ATP8A1: variants seen among roughly 807,000 people sequenced by gnomAD.
ATP8A1 encodes ATPase phospholipid transporting 8A1.
Under a neutral mutation model 177.7 loss-of-function variants are expected in ATP8A1, and 90 were observed. That is an observed-to-expected ratio of 0.51 (90% CI 0.43 to 0.60). The LOEUF is 0.60. Among genes scored for constraint, ATP8A1 ranks in the 20% least tolerant of loss-of-function variants. The probability of loss-of-function intolerance (pLI) is 0.00; values close to 1 mark genes in which losing one functional copy is unlikely to be tolerated. For missense variants in ATP8A1, 1,072 were observed against 1,392.8 expected, an observed-to-expected ratio of 0.77 and a Z score of 3.67; for synonymous variants, 493 against 485.9, an observed-to-expected ratio of 1.01 and a Z score of -0.19.
intron 1 of ATP8A1, among the ~76,000 whole-genome samples, chr4:42,647,524 C>A (rs555220802): frequency 6.6e-6 from 1 of 151,104 alleles, no homozygotes; most frequent in Non-Finnish European, 1.5e-5. Flanking sequence ...GGGCCAAAGA[C>A]AATTTATATT....
intron 1 of ATP8A1, among the ~76,000 whole-genome samples, chr4:42,630,902 G>A (rs1310414357): frequency 6.6e-6 from 1 of 152,186 alleles, no homozygotes; most frequent in Non-Finnish European, 1.5e-5. Context: ...GAAGTATTCT[G>A]TGTTCATGTC....
intron 12 of ATP8A1, among the ~76,000 whole-genome samples, chr4:42,577,049 T>C (rs1343437001): frequency 6.6e-6 from 1 of 152,190 alleles, no homozygotes; most frequent in East Asian, 1.9e-4. Context: ...GGCTGGAAAG[T>C]CAGTGTTCTA....
chr4:42,637,243 C>A (rs754646810), intron 1 of ATP8A1: 5 of 517,632 alleles, frequency 9.7e-6, no homozygotes, highest in African/African-American at 1.9e-5. Flanking sequence ...GAACCTTCCC[C>A]AACAGGCCCT....
In ATP8A1 at chr4:42,600,523, A is replaced by C. The variant is rs1208903692; in HGVS notation, c.410-5T>G. 1.9e-6 allele frequency: 3 copies of C among 1,608,892 alleles called. No homozygotes were observed. The highest frequency in any genetic ancestry group is 2.5e-6 in the Non-Finnish European group (3 of 1,178,312). On this transcript the variant is annotated splice_region_variant and splice_polypyrimidine_tract_variant and intron_variant, in intron 5 of 36. Transcript: ENST00000381668. Reference sequence around the variant, plus strand: ...CCCAAGCACCATTTCTCAAAACTGGAAAGAGAAAAGGTGACATTTTAAACA... The same window carrying C: ...CCCAAGCACCATTTCTCAAAACTGGCAAGAGAAAAGGTGACATTTTAAACA...
chr4:42,624,080 C>G (rs913907559), intron 4 of ATP8A1, among the ~76,000 whole-genome samples: 3 of 151,780 alleles, frequency 2.0e-5, no homozygotes, highest in Non-Finnish European at 4.4e-5. Flanking sequence ...GTTACTATTA[C>G]TTTCTTTTAA....
chr4:42,470,286 TTTC>T (rs1720256179), intron 25 of ATP8A1, among the ~76,000 whole-genome samples: 1 of 152,248 alleles, frequency 6.6e-6, no homozygotes, highest in African/African-American at 2.4e-5. Flanking sequence ...ATTCATTATT[TTTC>T]TTATTTTCTA....
At chr4:42,589,285 T>G (rs543520494) in intron 7 of ATP8A1, among the ~76,000 whole-genome samples, 1 of 152,328 alleles carries the variant, frequency 6.6e-6, no homozygotes, top group African/African-American at 2.4e-5. Flanking sequence ...TAGGCTTAAT[T>G]TACTAATATC....
At chr4:42,510,357 T>C (rs1436576221) in intron 22 of ATP8A1, among the ~76,000 whole-genome samples, 1 of 152,214 alleles carries the variant, frequency 6.6e-6, no homozygotes, top group Non-Finnish European at 1.5e-5. Flanking sequence ...CAATTCAGCA[T>C]CAGTGATGCC....
chr4:42,428,041 T>C (rs1223913922), intron 33 of ATP8A1, among the ~76,000 whole-genome samples: 1 of 152,230 alleles, frequency 6.6e-6, no homozygotes, highest in South Asian at 2.1e-4. Flanking sequence ...GGTCTGAATG[T>C]TATCCAAGCT....
chr4:42,655,251 T>C (rs1046817068), intron 1 of ATP8A1, among the ~76,000 whole-genome samples: 6 of 152,242 alleles, frequency 3.9e-5, no homozygotes, highest in African/African-American at 1.4e-4. Flanking sequence ...GCACTCCACC[T>C]TCACCAACCT....
intron 1 of ATP8A1, among the ~76,000 whole-genome samples, chr4:42,644,190 A>G (rs1740291148): frequency 6.6e-6 from 1 of 152,220 alleles, no homozygotes; most frequent in Admixed American, 6.5e-5. Flanking sequence ...TTAAAATGAA[A>G]ATATATAGGA....
At chr4:42,535,266 G>A (rs191689058) in intron 20 of ATP8A1, among the ~76,000 whole-genome samples, 1 of 152,054 alleles carries the variant, frequency 6.6e-6, no homozygotes, top group African/African-American at 2.4e-5. Flanking sequence ...GTAAAAGGGT[G>A]GAAAAAGATA....
intron 25 of ATP8A1, among the ~76,000 whole-genome samples, chr4:42,482,180 G>GT (rs935748874): frequency 5.1e-4 from 33 of 64,900 alleles, no homozygotes; most frequent in African/African-American, 1.4e-3. Context: ...GTACATGCCT[G>GT]TAATTCCAGC....
In ATP8A1 at chr4:42,581,750, G is replaced by T; in HGVS notation, c.723-18C>A. 6.4e-7 allele frequency: 1 copy of T among 1,569,884 alleles called. No homozygotes were observed. Among genetic ancestry groups the T allele is most frequent in the Non-Finnish European group, 8.8e-7 (1 of 1,141,742 alleles). On this transcript the variant is annotated intron_variant, in intron 9 of 36. Transcript: ENST00000381668. ...GAACGGTGCTAGGACAGATTACGTT[G>T]ACATTAGAAACAGTATTTTCTAAAA...
At chr4:42,544,117 C>A in intron 19 of ATP8A1, 131 bp from the exon 20 acceptor site, 1 of 687,046 alleles carries the variant, frequency 1.5e-6, no homozygotes, top group Non-Finnish European at 2.4e-6. Context: ...CCTAACCTTC[C>A]ACATACACAA....
intron 14 of ATP8A1, among the ~76,000 whole-genome samples, chr4:42,569,880 T>C (rs1731738575): frequency 6.6e-6 from 1 of 152,242 alleles, no homozygotes; most frequent in Non-Finnish European, 1.5e-5. Flanking sequence ...GTCTGATAGA[T>C]GTACTTCATT....
At chr4:42,558,072 G>A (rs1730434911) in intron 15 of ATP8A1, among the ~76,000 whole-genome samples, 1 of 150,312 alleles carries the variant, frequency 6.7e-6, no homozygotes, top group Admixed American at 6.6e-5. Flanking sequence ...AAAAAAACCA[G>A]AAACAAAAAC....
chr4:42,465,814 C>T (rs1034989675), intron 25 of ATP8A1, among the ~76,000 whole-genome samples: 5 of 152,156 alleles, frequency 3.3e-5, no homozygotes, highest in South Asian at 2.1e-4. Flanking sequence ...AGGTGGATCA[C>T]GAGGTCAGGA....
At chr4:42,531,350 T>C (rs1245950825) in intron 20 of ATP8A1, among the ~76,000 whole-genome samples, 3 of 152,056 alleles carry the variant, frequency 2.0e-5, no homozygotes, top group African/African-American at 7.2e-5. Flanking sequence ...GAAAACAGAA[T>C]GGGTAGCAGA....
Sources: gnomAD v4.1 joint callset for allele counts (sites outside exome capture counted in the v4.1 genomes callset) on GRCh38, gnomAD v4.1.1 for gene constraint, MANE v1.5 for transcripts, NCBI Gene and HGNC (gene_info 2026-07-23, HGNC 2026-07-21) for gene names.